Variants in PCDHGC3 observed in about 807,000 individuals in gnomAD.
PCDHGC3 encodes the protein protocadherin gamma-C3.
In PCDHGC3, 26 loss-of-function variants were observed where a neutral mutation model predicts 59.2. The ratio of observed to expected loss-of-function variants is 0.44; its 90% CI spans 0.32 to 0.61. The LOEUF (loss-of-function observed/expected upper bound fraction) is 0.61, where lower values mean the gene tolerates loss of function less well. PCDHGC3 is among the 20% of genes least tolerant of loss of function. The pLI is 0.05. For synonymous variants in PCDHGC3, 487 were observed against 519.7 expected, an observed-to-expected ratio of 0.94 and a Z score of 0.86; for missense variants, 1,080 against 1,221.8, an observed-to-expected ratio of 0.88 and a Z score of 1.73.
intron 1 of PCDHGC3, chr5:141,492,005 C>A (rs1444993907): frequency 3.1e-6 from 2 of 642,268 alleles, no homozygotes; most frequent in African/African-American, 3.8e-5. Flanking sequence ...GGGCGATTTC[C>A]GCGGGTGTCG....
chr5:141,501,345 A>G (rs2099808580), intron 2 of PCDHGC3, among the ~76,000 whole-genome samples: 2 of 150,582 alleles, frequency 1.3e-5, no homozygotes, highest in East Asian at 1.9e-4. Context: ...CCCAAACTCA[A>G]TAGGGCAAGA....
chr5:141,485,587 G>C lies in PCDHGC3; in HGVS notation c.2430+7041G>C. 6.2e-7 allele frequency: 1 copy of C among 1,612,652 alleles called. No individual in the cohort carries two copies. The highest frequency in any genetic ancestry group is 1.7e-5 in the Admixed American group (1 of 59,982). On this transcript the variant is annotated intron_variant, in intron 1 of 3. Coordinates refer to ENST00000308177, the MANE Select transcript of PCDHGC3 (RefSeq NM_002588.4). This position sits in a 1 kb window ranked among gnomAD's most constrained non-coding sequence, Gnocchi z 5.7. ...CCCCCCGTTTTCCGCGGCAGCAGCT[G>C]GACTTGGAAATTGGGGAGGCAGCTC... is the stretch of plus-strand genomic sequence containing the variant.
chr5:141,482,049 C>G (rs1456071625), intron 1 of PCDHGC3, among the ~76,000 whole-genome samples: 2 of 149,284 alleles, frequency 1.3e-5, no homozygotes, highest in Non-Finnish European at 3.0e-5. Context: ...CATGCTGTTG[C>G]ATTCCAGCCT....
At chr5:141,500,326 A>T (rs1041431019) in intron 2 of PCDHGC3, among the ~76,000 whole-genome samples, 7 of 152,022 alleles carry the variant, frequency 4.6e-5, no homozygotes, top group Non-Finnish European at 1.0e-4. Context: ...CTCCTGCCTC[A>T]GCCTCCAGAA....
At position 141,489,562 on chromosome 5, in the gene PCDHGC3, G is replaced by A. The variant is rs770734883; in HGVS notation, c.2431-5245G>A. ...CACCAGCTGCCTGCTGCCAGTGCAG[G>A]TGGTGACTGAACACCCCCTGGAGCT... On this transcript the variant is annotated intron_variant, in intron 1 of 3. Coordinates refer to ENST00000308177, the MANE Select transcript of PCDHGC3 (RefSeq NM_002588.4). The surrounding 1 kb of genome is among the most constrained non-coding windows in gnomAD (Gnocchi z 4.5). 2 of 1,614,114 alleles carry A rather than the reference G, an allele frequency of 1.2e-6. No homozygotes were observed. Among genetic ancestry groups the A allele is most frequent in the Non-Finnish European group, 1.7e-6 (2 of 1,180,028 alleles).
Position 141,477,464 on chromosome 5 carries a change from A to G in PCDHGC3, c.1348A>G (p.Ile450Val). The G allele has an allele frequency of 1.2e-6, 2 of 1,614,188 alleles. No homozygotes were observed. The highest frequency in any genetic ancestry group is 1.7e-6 in the Non-Finnish European group (2 of 1,180,034). Residue 450 changes from isoleucine to valine, a missense_variant, in exon 1 of 4, where the codon ATC becomes GTC. Coordinates refer to ENST00000308177, the MANE Select transcript of PCDHGC3 (RefSeq NM_002588.4). This position sits in a 1 kb window ranked among gnomAD's most constrained non-coding sequence, Gnocchi z 4.9. The part of the protein sequence containing the change: ...LTIVRVQVSD[I>V]NDNPPQSSQS... ...AATAGTGCGTGTTCAAGTGTCCGAC[A>G]TCAATGACAACCCTCCACAATCTTC...
chr5:141,490,990 C>A lies in PCDHGC3; in HGVS notation c.2431-3817C>A, dbSNP rs1230384508. On this transcript the variant is annotated intron_variant, in intron 1 of 3. Transcript: ENST00000308177. The surrounding 1 kb of genome is among the most constrained non-coding windows in gnomAD (Gnocchi z 5.4). ...CCCCCAGCGTCTCCCTCGCTCTGCTCCTCCTGGCTCCTTGGTCACCAAGGT... is the reference window on the plus strand; with the variant it reads ...CCCCCAGCGTCTCCCTCGCTCTGCTACTCCTGGCTCCTTGGTCACCAAGGT... The A allele has an allele frequency of 6.2e-7, 1 of 1,614,102 alleles. No homozygotes were observed. The highest frequency in any genetic ancestry group is 8.5e-7 in the Non-Finnish European group (1 of 1,180,022).
In PCDHGC3 at chr5:141,511,540, C is replaced by CTA; in HGVS notation, c.*367_*368insTA. ...ATCCCATGCCTCCCTCCTCCCCACC[C>CTA]CACTCCAACAGTTCCTCTTTCCCGA... On this transcript the variant is annotated 3_prime_UTR_variant, in exon 4 of 4. Transcript: ENST00000308177. 3.0e-6 allele frequency: 1 copy of CTA among 328,024 alleles called. No individual in the cohort carries two copies. Among genetic ancestry groups the CTA allele is most frequent in the South Asian group, 3.2e-5 (1 of 31,610 alleles). 20.3% of individuals were successfully genotyped at this position (328,024 alleles called of 1,614,324 possible). A position where few individuals can be genotyped will look rare whatever the true frequency, so the allele number is the denominator to read the frequency against.
Position 141,511,303 on chromosome 5 carries a change from C to T in PCDHGC3, c.*130C>T, listed in dbSNP as rs2099883709. 2.7e-6 allele frequency: 4 copies of T among 1,490,160 alleles called. No homozygotes were observed. Among genetic ancestry groups the T allele is most frequent in the Non-Finnish European group, 3.6e-6 (4 of 1,116,196 alleles). 92.3% of individuals were successfully genotyped at this position (1,490,160 alleles called of 1,614,324 possible). ...CTGGTAGGGGCCAAGGCCATGCTCC[C>T]CTTGGGAAACAGAAACAAGTGCCCA... On this transcript the variant is annotated 3_prime_UTR_variant, in exon 4 of 4. Coordinates refer to ENST00000308177, the MANE Select transcript of PCDHGC3 (RefSeq NM_002588.4).
At chr5:141,494,759 C>G (rs776923097) in intron 1 of PCDHGC3, 48 bp from the exon 2 acceptor site, 2 of 1,613,886 alleles carry the variant, frequency 1.2e-6, no homozygotes, top group Middle Eastern at 1.6e-4. Flanking sequence ...GGGTGACATT[C>G]TAACTTCTCA....
Position 141,498,971 on chromosome 5 carries a change from GGGAAGGAAGGAAGGAAGGAAGGAA to G in PCDHGC3, c.2489+4140_2489+4163del, listed in dbSNP as rs201769957. 5.1e-3 allele frequency among the ~76,000 whole-genome samples: 569 copies of G among 111,048 alleles called. 6 individuals carry two copies. Among genetic ancestry groups the G allele is most frequent in the South Asian group, 0.024 (65 of 2,658 alleles). 72.9% of individuals were successfully genotyped at this position (111,048 alleles called of 152,430 possible). A position where few individuals can be genotyped will look rare whatever the true frequency, so the allele number is the denominator to read the frequency against. On this transcript the variant is annotated intron_variant, in intron 2 of 3. Coordinates refer to ENST00000308177, the MANE Select transcript of PCDHGC3 (RefSeq NM_002588.4). ...AAAAAGAGAGAGAGGGAGGGAGGGA[GGGAAGGAAGGAAGGAAGGAAGGAA>G]GGAAGGAAGGAAGGAAGGAAGGAAG...
At chr5:141,501,329 ACACACC>A (rs1456568693) in intron 2 of PCDHGC3, among the ~76,000 whole-genome samples, 16 of 148,226 alleles carry the variant, frequency 1.1e-4, no homozygotes, top group Non-Finnish European at 2.2e-4. Context: ...ACACACACAC[ACACACC>A]CCAAACTCAA....
Position 141,487,892 on chromosome 5 carries a change from T to A in PCDHGC3, c.2431-6915T>A. On this transcript the variant is annotated intron_variant, in intron 1 of 3. Coordinates refer to ENST00000308177, the MANE Select transcript of PCDHGC3 (RefSeq NM_002588.4). The surrounding 1 kb of genome is among the most constrained non-coding windows in gnomAD (Gnocchi z 5.0). The stretch of plus-strand genomic sequence containing the variant: ...GAGCCAGGCTGTTGTGGAAGCATGA[T>A]GATGGAATGTGGGAGCACAGGAGGC... 1 of 731,410 alleles carries A rather than the reference T, an allele frequency of 1.4e-6. No homozygotes were observed. Among genetic ancestry groups the A allele is most frequent in the South Asian group, 1.8e-5 (1 of 54,120 alleles). The allele number at this position is 731,410 out of a possible 1,614,324, so 45.3% of individuals were successfully genotyped here. A position where few individuals can be genotyped will look rare whatever the true frequency, so the allele number is the denominator to read the frequency against.
At position 141,490,712 on chromosome 5, in the gene PCDHGC3, A is replaced by T; in HGVS notation, c.2431-4095A>T. The stretch of plus-strand genomic sequence containing the variant: ...ACTGGGGATAATGCCCGCCTCACCT[A>T]CTCCATTGTAGGAAATCAGGTTCAG... On this transcript the variant is annotated intron_variant, in intron 1 of 3. Transcript: ENST00000308177. The surrounding 1 kb of genome is among the most constrained non-coding windows in gnomAD (Gnocchi z 5.4). The T allele has an allele frequency of 6.2e-7, 1 of 1,613,686 alleles. No homozygotes were observed. The highest frequency in any genetic ancestry group is 8.5e-7 in the Non-Finnish European group (1 of 1,179,894).
chr5:141,489,112 A>C lies in PCDHGC3; in HGVS notation c.2431-5695A>C. 3 of 412,420 alleles carry C rather than the reference A, an allele frequency of 7.3e-6. No individual in the cohort carries two copies. Among genetic ancestry groups the C allele is most frequent in the South Asian group, 4.2e-5 (1 of 23,838 alleles). The allele number at this position is 412,420 out of a possible 1,614,324, so 25.5% of individuals were successfully genotyped here. ...TGACTAAGAACTGCTGCAAGCAGGC[A>C]AACCTCCGAGCAGTTTTTAAGAGGC... is the stretch of plus-strand genomic sequence containing the variant. On this transcript the variant is annotated intron_variant, in intron 1 of 3. Coordinates refer to ENST00000308177, the MANE Select transcript of PCDHGC3 (RefSeq NM_002588.4). The surrounding 1 kb of genome is among the most constrained non-coding windows in gnomAD (Gnocchi z 4.5).
intron 1 of PCDHGC3, among the ~76,000 whole-genome samples, chr5:141,482,179 G>A (rs1398839482): frequency 6.6e-6 from 1 of 152,040 alleles, no homozygotes; most frequent in Non-Finnish European, 1.5e-5. Flanking sequence ...AAGGCTTTAC[G>A]ATGCTCCAGT....
In PCDHGC3 at chr5:141,476,288, C is replaced by A. The variant is rs1446743849; in HGVS notation, c.172C>A (p.Leu58Ile). 3.1e-6 allele frequency: 5 copies of A among 1,613,980 alleles called. No homozygotes were observed. The highest frequency in any genetic ancestry group is 3.4e-6 in the Non-Finnish European group (4 of 1,180,026). ...CGTGGTCGCGAACCTTGGTTTGGAT[C>A]TCGGTAGCCTCTCAGCCCGCAGGTT... ...GNVVANLGLD[L>I]GSLSARRFRV... Residue 58 changes from leucine to isoleucine, a missense_variant, in exon 1 of 4, where the codon CTC becomes ATC. Leu to Ile is a conservative substitution (Grantham distance 5). Coordinates refer to ENST00000308177, the MANE Select transcript of PCDHGC3 (RefSeq NM_002588.4). This position sits in a 1 kb window ranked among gnomAD's most constrained non-coding sequence, Gnocchi z 7.6.
At chr5:141,488,389 A>G (rs1322717951) in intron 1 of PCDHGC3, among the ~76,000 whole-genome samples, 1 of 152,224 alleles carries the variant, frequency 6.6e-6, no homozygotes, top group East Asian at 1.9e-4. Context: ...GAATTTGGTG[A>G]AACCATGAAA....
chr5:141,484,603 G>T (rs1460433183), intron 1 of PCDHGC3, among the ~76,000 whole-genome samples: 1 of 152,008 alleles, frequency 6.6e-6, no homozygotes, highest in Non-Finnish European at 1.5e-5. Context: ...TAGAATACTG[G>T]TTGATGACAA....
Sources: gnomAD v4.1 joint callset for allele counts (sites outside exome capture counted in the v4.1 genomes callset) on GRCh38, gnomAD v4.1.1 for gene constraint, Gnocchi (gnomAD v3.1) non-coding constraint, MANE v1.5 for transcripts, NCBI Gene and HGNC (gene_info 2026-07-23, HGNC 2026-07-21) for gene names.